HS3ST3B1: variants seen among roughly 807,000 people sequenced by gnomAD.
HS3ST3B1 encodes heparan sulfate-glucosamine 3-sulfotransferase 3B1.
Under a neutral mutation model 21.3 loss-of-function variants are expected in HS3ST3B1, and 13 were observed. That is an observed-to-expected ratio of 0.61 (90% CI 0.40 to 0.97). HS3ST3B1 has a LOEUF of 0.97. HS3ST3B1 is among the 50% of genes least tolerant of loss of function. HS3ST3B1 has a pLI of 0.00. For missense variants in HS3ST3B1, 459 were observed against 554.8 expected, an observed-to-expected ratio of 0.83 and a Z score of 1.73; for synonymous variants, 234 against 254.8, an observed-to-expected ratio of 0.92 and a Z score of 0.78.
At chr17:14,329,489 AAAG>A (rs1433009987) in intron 1 of HS3ST3B1, 2 of 151,168 alleles carry the variant, frequency 1.3e-5, no homozygotes, top group African/African-American at 2.4e-5. Context: ...AGAAAGAAGA[AAAG>A]AAAGAAGGAA....
rs1910550562 is a variant in HS3ST3B1, at chr17:14,345,741, AT to A, written c.*100del. 1.4e-6 allele frequency: 2 copies of A among 1,421,728 alleles called. No individual in the cohort carries two copies. Among genetic ancestry groups the A allele is most frequent in the South Asian group, 3.1e-5 (2 of 65,110 alleles). The allele number at this position is 1,421,728 out of a possible 1,614,324, so 88.1% of individuals were successfully genotyped here. ...ACAGAAATCTATTTTATAATAATTT[AT>A]TTTTAATTCATAAGCAATTAATTCA... On this transcript the variant is annotated 3_prime_UTR_variant, in exon 2 of 2. Coordinates refer to ENST00000360954, the MANE Select transcript of HS3ST3B1 (RefSeq NM_006041.3).
At chr17:14,344,430 TTTAC>T in intron 1 of HS3ST3B1, among the ~76,000 whole-genome samples, 1 of 152,322 alleles carries the variant, frequency 6.6e-6, no homozygotes, top group Non-Finnish European at 1.5e-5. Flanking sequence ...TTTGTATCAG[TTTAC>T]TTACCTGATT....
At chr17:14,342,666 T>C (rs1910424898) in intron 1 of HS3ST3B1, among the ~76,000 whole-genome samples, 1 of 152,162 alleles carries the variant, frequency 6.6e-6, no homozygotes, top group Admixed American at 6.5e-5. Flanking sequence ...TGAATACGTA[T>C]TGGTGGCTCC....
chr17:14,333,787 G>A (rs1910097675), intron 1 of HS3ST3B1, among the ~76,000 whole-genome samples: 1 of 152,116 alleles, frequency 6.6e-6, no homozygotes, highest in Non-Finnish European at 1.5e-5. Flanking sequence ...GATAGTAGAG[G>A]CTGAGAACCT....
At chr17:14,331,107 A>G (rs61106533) in intron 1 of HS3ST3B1, among the ~76,000 whole-genome samples, 10,129 of 152,170 alleles carry the variant, frequency 0.067, 404 homozygotes, top group East Asian at 0.15. Context: ...TTCTTTCTTT[A>G]TAATGATTTT....
At chr17:14,335,850 G>A (rs901666559) in intron 1 of HS3ST3B1, among the ~76,000 whole-genome samples, 1 of 152,238 alleles carries the variant, frequency 6.6e-6, no homozygotes, top group Admixed American at 6.5e-5. Context: ...GGCTGAATAA[G>A]TGGATTTGGG....
rs569686333 is a variant in HS3ST3B1 at position 14,347,453 on chromosome 17, T to A, written c.*1807T>A. The A allele has an allele frequency of 5.9e-5, 9 of 152,338 alleles. No homozygotes were observed. The South Asian group carries it at 1.9e-3, about 32-fold the overall frequency. The allele number at this position is 152,338 out of a possible 1,614,324, so 9.4% of individuals were successfully genotyped here. The stretch of plus-strand genomic sequence containing the variant: ...TGCTTCTACCATAAAAGAATTGTGA[T>A]TTCAGTTATACTTCCATCAAGGAAT... On this transcript the variant is annotated 3_prime_UTR_variant, in exon 2 of 2. Coordinates refer to ENST00000360954, the MANE Select transcript of HS3ST3B1 (RefSeq NM_006041.3).
Position 14,348,994 on chromosome 17 carries a change from T to A in HS3ST3B1, c.*3348T>A, listed in dbSNP as rs1334484914. 1 of 152,180 alleles carries A rather than the reference T, an allele frequency of 6.6e-6. No homozygotes were observed. The highest frequency in any genetic ancestry group is 1.5e-5 in the Non-Finnish European group (1 of 68,036). 9.4% of individuals were successfully genotyped at this position (152,180 alleles called of 1,614,324 possible). ...TATTTTAGACATTTGGAGAAACAGT[T>A]TCAGATCCTGCCAGGATATTTTTGT... On this transcript the variant is annotated 3_prime_UTR_variant, in exon 2 of 2. Transcript: ENST00000360954.
intron 1 of HS3ST3B1, among the ~76,000 whole-genome samples, chr17:14,315,764 T>G (rs1479572398): frequency 6.6e-6 from 1 of 150,950 alleles, no homozygotes; most frequent in African/African-American, 2.4e-5. Context: ...GAGGTTGTAG[T>G]GAGCTGAGAT....
intron 1 of HS3ST3B1, among the ~76,000 whole-genome samples, chr17:14,310,160 G>C (rs1875849558): frequency 6.6e-6 from 1 of 152,200 alleles, no homozygotes; most frequent in Admixed American, 6.5e-5. Flanking sequence ...CTGGGATGGA[G>C]AGGAGGAAGA....
At chr17:14,341,537 T>C (rs1392346662) in intron 1 of HS3ST3B1, among the ~76,000 whole-genome samples, 1 of 152,156 alleles carries the variant, frequency 6.6e-6, no homozygotes, top group African/African-American at 2.4e-5. Context: ...CATCTTTTTT[T>C]TTTTTCATTA....
At chr17:14,304,443 C>G (rs1909062090) in intron 1 of HS3ST3B1, 1 of 152,238 alleles carries the variant, frequency 6.6e-6, no homozygotes, top group Non-Finnish European at 1.5e-5. Flanking sequence ...CATCTGTTTA[C>G]TTTAAAAATG....
intron 1 of HS3ST3B1, among the ~76,000 whole-genome samples, chr17:14,335,952 G>T (rs1013318812): frequency 1.3e-5 from 2 of 152,174 alleles, no homozygotes; most frequent in African/African-American, 4.8e-5. Context: ...CACCAAGAAT[G>T]ATTTTTACTA....
At chr17:14,320,485 G>C (rs952393115) in intron 1 of HS3ST3B1, among the ~76,000 whole-genome samples, 2 of 152,180 alleles carry the variant, frequency 1.3e-5, no homozygotes, top group African/African-American at 4.8e-5. Flanking sequence ...GAGGATGTTT[G>C]TAAGTAAGCC....
intron 1 of HS3ST3B1, among the ~76,000 whole-genome samples, chr17:14,324,450 C>T (rs1056231361): frequency 2.6e-5 from 4 of 152,074 alleles, no homozygotes; most frequent in Admixed American, 2.0e-4. Context: ...AGGGTCTTGC[C>T]ATGTGGCCCA....
chr17:14,332,399 C>G (rs28496104), intron 1 of HS3ST3B1, among the ~76,000 whole-genome samples: 49,979 of 151,626 alleles, frequency 0.33, 8,501 homozygotes, highest in African/African-American at 0.41. Context: ...TGCCCTCCCC[C>G]CATAACCTGC....
At chr17:14,336,328 A>G (rs1007122041) in intron 1 of HS3ST3B1, among the ~76,000 whole-genome samples, 3 of 152,192 alleles carry the variant, frequency 2.0e-5, no homozygotes, top group Non-Finnish European at 4.4e-5. Flanking sequence ...TTGCTGGGCT[A>G]TAGGAGGAGG....
At position 14,301,943 on chromosome 17, in the gene HS3ST3B1, T is replaced by A. The variant is rs1665031370; in HGVS notation, c.425T>A (p.Ile142Asn). 1 of 1,609,886 alleles carries A rather than the reference T, an allele frequency of 6.2e-7. No homozygotes were observed. Among genetic ancestry groups the A allele is most frequent in the Admixed American group, 1.7e-5 (1 of 59,560 alleles). Reference sequence around the variant, plus strand: ...AGCAAGCAGCTGCCGCAGGCCATCATCATCGGCGTGAAGAAGGGCGGCACG... The same window carrying A: ...AGCAAGCAGCTGCCGCAGGCCATCAACATCGGCGTGAAGAAGGGCGGCACG... ...SGSKQLPQAIIIGVKKGGTRA... is the reference protein window; with the variant it reads ...SGSKQLPQAINIGVKKGGTRA... The change falls in exon 1 of 2, where the codon ATC (isoleucine) becomes AAC (asparagine). Residue 142 changes from isoleucine to asparagine, a missense_variant. Ile to Asn is a moderately radical substitution (Grantham distance 149). Transcript: ENST00000360954.
In HS3ST3B1 at chr17:14,301,730, C is replaced by T. The variant is rs1462451060; in HGVS notation, c.212C>T (p.Ala71Val). Residue 71 changes from alanine (A) to valine (V), a missense_variant, in exon 1 of 2, where the codon GCA becomes GTA. Coordinates refer to ENST00000360954, the MANE Select transcript of HS3ST3B1 (RefSeq NM_006041.3). Reference sequence around the variant, plus strand: ...CTCCTGGGCTCTGGGTCCCGCGCCGCACACGACCCGCCAGCCCTGGCCACA... The same window carrying T: ...CTCCTGGGCTCTGGGTCCCGCGCCGTACACGACCCGCCAGCCCTGGCCACA... ...LLLLGSGSRAAHDPPALATAP... is the reference protein window; with the variant it reads ...LLLLGSGSRAVHDPPALATAP... 1.9e-5 allele frequency: 31 copies of T among 1,600,062 alleles called. 1 individual carries two copies. Among genetic ancestry groups the T allele is most frequent in the Admixed American group, 5.1e-5 (3 of 58,894 alleles).
Sources: gnomAD v4.1 joint callset for allele counts (sites outside exome capture counted in the v4.1 genomes callset) on GRCh38, gnomAD v4.1.1 for gene constraint, MANE v1.5 for transcripts, NCBI Gene and HGNC (gene_info 2026-07-23, HGNC 2026-07-21) for gene names.